Variants in CPXM1 observed in about 807,000 individuals in gnomAD.
The protein encoded by CPXM1 is carboxypeptidase X, M14 family member 1.
In CPXM1, 72 loss-of-function variants were observed where a neutral mutation model predicts 80.4. The observed-to-expected ratio is 0.90, with a 90% CI of 0.74 to 1.09. The LOEUF (loss-of-function observed/expected upper bound fraction) is 1.09, where lower values mean the gene tolerates loss of function less well. CPXM1 is among the 50% of genes least tolerant of loss of function. The pLI, the probability that CPXM1 is intolerant of heterozygous loss-of-function variation, is 0.00. For missense variants in CPXM1, 892 were observed against 999.4 expected, an observed-to-expected ratio of 0.89 and a Z score of 1.45; for synonymous variants, 403 against 405.6, an observed-to-expected ratio of 0.99 and a Z score of 0.08.
chr20:2,795,482 C>A lies in CPXM1; in HGVS notation c.1721-66G>T. On this transcript the variant is annotated intron_variant, in intron 11 of 13. Transcript: ENST00000380605. This position sits in a 1 kb window ranked among gnomAD's most constrained non-coding sequence, Gnocchi z 5.4. ...GCGGTCCCATCCTCCCGCTACCCTC[C>A]CTTCTCTGAGGGACACTTCAGAGTG... 3 of 1,593,030 alleles carry A rather than the reference C, an allele frequency of 1.9e-6. No individual in the cohort carries two copies. The highest frequency in any genetic ancestry group is 2.6e-6 in the Non-Finnish European group (3 of 1,166,102).
At position 2,796,765 on chromosome 20, in the gene CPXM1, C is replaced by G; in HGVS notation, c.922-115G>C. 1 of 1,434,546 alleles carries G rather than the reference C, an allele frequency of 7.0e-7. No individual in the cohort carries two copies. Among genetic ancestry groups the G allele is most frequent in the Non-Finnish European group, 9.5e-7 (1 of 1,054,532 alleles). 88.9% of individuals were successfully genotyped at this position (1,434,546 alleles called of 1,614,324 possible). On this transcript the variant is annotated intron_variant, in intron 7 of 13. Transcript: ENST00000380605. This position sits in a 1 kb window ranked among gnomAD's most constrained non-coding sequence, Gnocchi z 6.8. Reference sequence around the variant, plus strand: ...GCGATGGCCCACACAGAGGGGGCATCCCATCATGGTACAGGAGGGGAGCGG... The same window carrying G: ...GCGATGGCCCACACAGAGGGGGCATGCCATCATGGTACAGGAGGGGAGCGG...
At position 2,795,970 on chromosome 20, in the gene CPXM1, C is replaced by T. The variant is rs777022114; in HGVS notation, c.1422+12G>A. The T allele has an allele frequency of 1.9e-6, 3 of 1,602,196 alleles. No individual in the cohort carries two copies. The highest frequency in any genetic ancestry group is 2.6e-6 in the Non-Finnish European group (3 of 1,172,482). ...CCCCACAGACCTCCACTGCCGCCCTCAAAATACTCACGGTGGCATTGGGCA... is the reference window on the plus strand; with the variant it reads ...CCCCACAGACCTCCACTGCCGCCCTTAAAATACTCACGGTGGCATTGGGCA... On this transcript the variant is annotated intron_variant, in intron 10 of 13. Coordinates refer to ENST00000380605, the MANE Select transcript of CPXM1 (RefSeq NM_019609.5). The surrounding 1 kb of genome is among the most constrained non-coding windows in gnomAD (Gnocchi z 5.4).
chr20:2,798,622 G>T, intron 2 of CPXM1, 85 bp from the exon 3 acceptor site: 3 of 1,536,788 alleles, frequency 2.0e-6, no homozygotes, highest in South Asian at 2.3e-5. Context: ...TTGCTCCTGC[G>T]CTAGGCAAGC....
Position 2,798,776 on chromosome 20 carries a change from A to C in CPXM1, c.290T>G (p.Val97Gly), listed in dbSNP as rs201629785. 1.9e-6 allele frequency: 3 copies of C among 1,613,806 alleles called. No homozygotes were observed. Among genetic ancestry groups the C allele is most frequent in the Admixed American group, 1.7e-5 (1 of 60,004 alleles). ...GAGGGTCCCTGCTGGAGTGGGGGTC[A>C]CAAGGGGCCCGGCAGTCACCAGTGG... Reference protein sequence around the residue: ...PTPLVTAGPLVTPTPAGTLDP... With the variant: ...PTPLVTAGPLGTPTPAGTLDP... The change falls in exon 2 of 14, where the codon GTG becomes GGG. Residue 97 changes from valine (V) to glycine (G), a missense_variant. Val to Gly is a moderately radical substitution (Grantham distance 109, BLOSUM62 -3). Transcript: ENST00000380605.
In CPXM1 at chr20:2,798,184, A is replaced by G; in HGVS notation, c.558T>C (p.Gly186=). 6.2e-7 allele frequency: 1 copy of G among 1,613,860 alleles called. No individual in the cohort carries two copies. The highest frequency in any genetic ancestry group is 8.5e-7 in the Non-Finnish European group (1 of 1,179,992). Residue 186 remains glycine (G), a synonymous_variant, in exon 4 of 14, where the codon GGT becomes GGC. Transcript: ENST00000380605. ...VDAGHPTRFS[G]VITQGRNSVW... Reference sequence around the variant, plus strand: ...CAGAGTTCCTGCCCTGTGTGATAACACCCGAGAAGCGGGTGGGGTGCCCAG... The same window carrying G: ...CAGAGTTCCTGCCCTGTGTGATAACGCCCGAGAAGCGGGTGGGGTGCCCAG...
chr20:2,796,094 A>T lies in CPXM1; in HGVS notation c.1310T>A (p.Phe437Tyr). 6.2e-7 allele frequency: 1 copy of T among 1,614,030 alleles called. No homozygotes were observed. Among genetic ancestry groups the T allele is most frequent in the Non-Finnish European group, 8.5e-7 (1 of 1,179,974 alleles). ...CCACAGTGGTGTGTTGAGGTCAGCA[A>T]AATTATGGTTAAGATCGATGCTCTG... is the stretch of plus-strand genomic sequence containing the variant. ...NNQSIDLNHN[F>Y]ADLNTPLWEA... Residue 437 changes from phenylalanine to tyrosine, a missense_variant, in exon 10 of 14, where the codon TTT becomes TAT. Phe to Tyr is a conservative substitution (Grantham distance 22, BLOSUM62 3). This residue lies in a region of CPXM1 where 874 missense variants were observed against 958.4 expected (regional missense o/e 0.91). Coordinates refer to ENST00000380605, the MANE Select transcript of CPXM1 (RefSeq NM_019609.5). The surrounding 1 kb of genome is among the most constrained non-coding windows in gnomAD (Gnocchi z 6.8).
Position 2,795,009 on chromosome 20 carries a change from T to G in CPXM1, c.1860+268A>C, listed in dbSNP as rs1353119499. On this transcript the variant is annotated intron_variant, in intron 12 of 13. Transcript: ENST00000380605. This position sits in a 1 kb window ranked among gnomAD's most constrained non-coding sequence, Gnocchi z 5.4. ...GCACCTGCCTCACGTGAGTCTCTCC[T>G]GAGGATAGCTCTGGGGCAGCGCCAC... Among the ~76,000 whole-genome samples the G allele has an allele frequency of 6.6e-6, 1 of 152,144 alleles. No homozygotes were observed. Among genetic ancestry groups the G allele is most frequent in the African/African-American group, 2.4e-5 (1 of 41,430 alleles).
At chr20:2,800,304 G>A (rs2088556886) in intron 1 of CPXM1, 97 bp downstream of exon 1, 1 of 1,124,334 alleles carries the variant, frequency 8.9e-7, no homozygotes, top group Non-Finnish European at 1.2e-6. Flanking sequence ...GTGCGTGGGT[G>A]TGCGTGTGCC....
In CPXM1 at chr20:2,794,779, GA is replaced by G. The variant is rs11480908; in HGVS notation, c.1861-141del. 0.044 allele frequency: 20,228 copies of G among 461,816 alleles called. 6 individuals carry two copies. Among genetic ancestry groups the G allele is most frequent in the South Asian group, 0.057 (2,178 of 38,448 alleles). 28.6% of individuals were successfully genotyped at this position (461,816 alleles called of 1,614,324 possible). On this transcript the variant is annotated intron_variant, in intron 12 of 13. Transcript: ENST00000380605. The surrounding 1 kb of genome is among the most constrained non-coding windows in gnomAD (Gnocchi z 5.2). ...TTCCTAGGTGACACTACTTCTGGAA[GA>G]AAAAAAAAAAAGAAATCCTGATTGA...
rs150179711 is a variant in CPXM1 at position 2,794,370 on chromosome 20, G to A, written c.2025C>T (p.Ala675=). 4.9e-4 allele frequency: 791 copies of A among 1,614,116 alleles called. 1 individual carries two copies. Among genetic ancestry groups the A allele is most frequent in the South Asian group, 8.9e-4 (81 of 91,084 alleles). The change falls in exon 14 of 14, where the codon GCC becomes GCT. Residue 675 remains alanine (A), a synonymous_variant. Coordinates refer to ENST00000380605, the MANE Select transcript of CPXM1 (RefSeq NM_019609.5). This position sits in a 1 kb window ranked among gnomAD's most constrained non-coding sequence, Gnocchi z 5.2. ...TCCGTGTCACTGAATGGTAGCCCTC[G>A]GCACTGGCAGTCACCATGTAGTCCC... ...TPGDYMVTAS[A]EGYHSVTRNC...
At position 2,796,370 on chromosome 20, in the gene CPXM1, C is replaced by G. The variant is rs933408262; in HGVS notation, c.1119G>C (p.Leu373=). The G allele has an allele frequency of 5.0e-6, 8 of 1,614,132 alleles. No homozygotes were observed. Among genetic ancestry groups the G allele is most frequent in the Non-Finnish European group, 6.8e-6 (8 of 1,180,004 alleles). ...GGAACTCATGGCACAGGAACTGCAT[C>G]AGGAGCAGAAGCAACTCCCGCCCCA... ...EALGRELLLL[L]MQFLCHEFLR... The change falls in exon 9 of 14, where the codon CTG becomes CTC. Residue 373 remains leucine (L), a synonymous_variant. Transcript: ENST00000380605. This position sits in a 1 kb window ranked among gnomAD's most constrained non-coding sequence, Gnocchi z 6.8.
chr20:2,799,904 C>T (rs936271245), intron 1 of CPXM1, among the ~76,000 whole-genome samples: 11 of 152,210 alleles, frequency 7.2e-5, no homozygotes, highest in African/African-American at 2.7e-4. Context: ...GCCCCTCTGT[C>T]TCCCCTCCTG....
At position 2,798,521 on chromosome 20, in the gene CPXM1, A is replaced by G. The variant is rs574158265; in HGVS notation, c.357T>C (p.Gly119=). 1.9e-6 allele frequency: 3 copies of G among 1,614,074 alleles called. No individual in the cohort carries two copies. In the South Asian group the frequency reaches 3.3e-5, roughly 18 times the overall value. Residue 119 remains glycine, a synonymous_variant, in exon 3 of 14, where the codon GGT becomes GGC. Coordinates refer to ENST00000380605, the MANE Select transcript of CPXM1 (RefSeq NM_019609.5). The part of the protein sequence containing the change: ...EKQETGCPPL[G]LESLRVSDSR... ...TATCTGAAACTCGCAGGGACTCCAGACCCAAAGGAGGACAGCCTGGGGCGG... is the reference window on the plus strand; with the variant it reads ...TATCTGAAACTCGCAGGGACTCCAGGCCCAAAGGAGGACAGCCTGGGGCGG...
rs771686733 is a variant in CPXM1 at position 2,795,703 on chromosome 20, C to T, written c.1616G>A (p.Ser539Asn). The T allele has an allele frequency of 1.9e-6, 3 of 1,614,052 alleles. No individual in the cohort carries two copies. The highest frequency in any genetic ancestry group is 1.1e-5 in the South Asian group (1 of 91,084). ...FRWLSTVYAG[S>N]NLAMQDTSRR... ...GCTGGTGTCCTGCATGGCCAGATTA[C>T]TGCCAGCATAGACAGTGCTGAGCCA... is the stretch of plus-strand genomic sequence containing the variant. The change falls in exon 11 of 14, where the codon AGT becomes AAT. Residue 539 changes from serine to asparagine, a missense_variant. Around this residue, in one of 2 missense-constraint regions of CPXM1, gnomAD observed 874 missense variants for 958.4 expected, o/e 0.91. Transcript: ENST00000380605. This position sits in a 1 kb window ranked among gnomAD's most constrained non-coding sequence, Gnocchi z 5.4.
rs2088499021 is a variant in CPXM1 at position 2,795,754 on chromosome 20, G to A, written c.1565C>T (p.Pro522Leu). 1 of 1,613,694 alleles carries A rather than the reference G, an allele frequency of 6.2e-7. No homozygotes were observed. The highest frequency in any genetic ancestry group is 8.5e-7 in the Non-Finnish European group (1 of 1,180,032). ...GCGAAACACAGCATCATCTGGTGTG[G>A]GCGTGAGCTCGCGGGCAGCCCACGG... ...RTPWAARELT[P>L]TPDDAVFRWL... is the part of the protein sequence containing the mutation. Residue 522 changes from proline (P) to leucine (L), a missense_variant, in exon 11 of 14, where the codon CCC becomes CTC. Physicochemically the swap from Pro to Leu is moderately conservative, Grantham distance 98. Transcript: ENST00000380605. The surrounding 1 kb of genome is among the most constrained non-coding windows in gnomAD (Gnocchi z 5.4).
rs533953788 is a variant in CPXM1, at chr20:2,795,505, G to C, written c.1721-89C>G. The C allele has an allele frequency of 1.1e-3, 1,726 of 1,587,124 alleles. 8 individuals carry two copies. Among genetic ancestry groups the C allele is most frequent in the Middle Eastern group, 9.5e-3 (55 of 5,814 alleles). ...TCCCTTCTCTGAGGGACACTTCAGA[G>C]TGGGAACAGACGCCAGCACTGTACG... On this transcript the variant is annotated intron_variant, in intron 11 of 13. Transcript: ENST00000380605. This position sits in a 1 kb window ranked among gnomAD's most constrained non-coding sequence, Gnocchi z 5.4.
Position 2,795,029 on chromosome 20 carries a change from C to T in CPXM1, c.1860+248G>A, listed in dbSNP as rs1001495086. Among the ~76,000 whole-genome samples the T allele has an allele frequency of 7.2e-5, 11 of 152,258 alleles. No homozygotes were observed. The South Asian group carries it at 2.1e-3, about 29-fold the overall frequency. ...TCTCCTGAGGATAGCTCTGGGGCAGCGCCACGGACCACCACCTAGACTGCA... is the reference window on the plus strand; with the variant it reads ...TCTCCTGAGGATAGCTCTGGGGCAGTGCCACGGACCACCACCTAGACTGCA... On this transcript the variant is annotated intron_variant, in intron 12 of 13. Coordinates refer to ENST00000380605, the MANE Select transcript of CPXM1 (RefSeq NM_019609.5). This position sits in a 1 kb window ranked among gnomAD's most constrained non-coding sequence, Gnocchi z 5.4.
rs139729690 is a variant in CPXM1 at position 2,794,627 on chromosome 20, T to C, written c.1873A>G (p.Ile625Val). The C allele has an allele frequency of 8.1e-6, 13 of 1,611,590 alleles. No homozygotes were observed. Among genetic ancestry groups the C allele is most frequent in the Non-Finnish European group, 1.0e-5 (12 of 1,179,682 alleles). Residue 625 changes from isoleucine to valine, a missense_variant, in exon 13 of 14, where the codon ATT becomes GTT. By Grantham distance (29) the Ile-to-Val change is conservative. This residue lies in a region of CPXM1 where 874 missense variants were observed against 958.4 expected (regional missense o/e 0.91). Transcript: ENST00000380605. The surrounding 1 kb of genome is among the most constrained non-coding windows in gnomAD (Gnocchi z 5.2). The part of the protein sequence containing the change: ...LTYLEQVRMG[I>V]AGVVRDKDTE... Reference sequence around the variant, plus strand: ...TCCTTGTCCCTCACCACTCCTGCAATGCCCATGCGCACCTGTGTGGGAAGA... The same window carrying C: ...TCCTTGTCCCTCACCACTCCTGCAACGCCCATGCGCACCTGTGTGGGAAGA...
At position 2,796,662 on chromosome 20, in the gene CPXM1, A is replaced by G; in HGVS notation, c.922-12T>C. The G allele has an allele frequency of 6.2e-7, 1 of 1,613,802 alleles. No homozygotes were observed. Among genetic ancestry groups the G allele is most frequent in the Non-Finnish European group, 8.5e-7 (1 of 1,179,822 alleles). On this transcript the variant is annotated splice_polypyrimidine_tract_variant and intron_variant, in intron 7 of 13. Transcript: ENST00000380605. This position sits in a 1 kb window ranked among gnomAD's most constrained non-coding sequence, Gnocchi z 6.8. ...ACCTGCTTCATCAGCTGGTGGGCAG[A>G]GTGTAGCGTGGCATGAGGCATGGGA...
Sources: gnomAD v4.1 joint callset for allele counts (sites outside exome capture counted in the v4.1 genomes callset) on GRCh38, gnomAD v4.1.1 for gene constraint, gnomAD v4.1.1 regional missense constraint, Gnocchi (gnomAD v3.1) non-coding constraint, MANE v1.5 for transcripts, NCBI Gene and HGNC (gene_info 2026-07-23, HGNC 2026-07-21) for gene names.